TNRC6A: variants seen among roughly 807,000 people sequenced by gnomAD.
TNRC6A encodes trinucleotide repeat-containing gene 6A protein.
Under a neutral mutation model 221.2 loss-of-function variants are expected in TNRC6A, and 44 were observed. The observed-to-expected ratio is 0.20, with a 90% CI of 0.16 to 0.26. The LOEUF (loss-of-function observed/expected upper bound fraction) is 0.26, where lower values mean the gene tolerates loss of function less well. Ranked by LOEUF, TNRC6A falls within the 10% of genes least tolerant of loss-of-function variation. The probability of loss-of-function intolerance (pLI) is 1.00; values close to 1 mark genes in which losing one functional copy is unlikely to be tolerated. For synonymous variants in TNRC6A, 847 were observed against 838.5 expected (o/e 1.01, Z -0.18); for missense variants, 2,199 against 2,404.4 (o/e 0.91, Z 1.79).
rs539673361 is a variant in TNRC6A at position 24,745,134 on chromosome 16, A to G, written c.54-5592A>G. 1.4e-4 allele frequency among the ~76,000 whole-genome samples: 22 copies of G among 152,288 alleles called. No individual in the cohort carries two copies. In the East Asian group the frequency reaches 3.3e-3, roughly 23 times the overall value. On this transcript the variant is annotated intron_variant, in intron 2 of 24. Coordinates refer to ENST00000395799, the MANE Select transcript of TNRC6A (RefSeq NM_014494.4). Reference sequence around the variant, plus strand: ...GACCCCTTTCCACTTCCAGATAACTATTAGTTGTCCTTACTTTAAAAAATA... The same window carrying G: ...GACCCCTTTCCACTTCCAGATAACTGTTAGTTGTCCTTACTTTAAAAAATA...
In TNRC6A at chr16:24,790,375, C is replaced by A. The variant is rs573474554; in HGVS notation, c.1733C>A (p.Ala578Glu). ...GGAGGTGGTGTGTGGGAATCTGGTG[C>A]AGCAAACTCCCAGAGTACATCATGG... ...NKGGGVWESGAANSQSTSWGS... is the reference protein window; with the variant it reads ...NKGGGVWESGEANSQSTSWGS... The change falls in exon 6 of 25, where the codon GCA becomes GAA. Residue 578 changes from alanine (A) to glutamate (E), a missense_variant. Coordinates refer to ENST00000395799, the MANE Select transcript of TNRC6A (RefSeq NM_014494.4). 1.4e-5 allele frequency: 22 copies of A among 1,614,086 alleles called. No homozygotes were observed. Among genetic ancestry groups the A allele is most frequent in the Non-Finnish European group, 1.6e-5 (19 of 1,180,048 alleles).
intron 4 of TNRC6A, among the ~76,000 whole-genome samples, chr16:24,770,340 T>G (rs772297680): frequency 6.6e-6 from 1 of 152,068 alleles, no homozygotes; most frequent in African/African-American, 2.4e-5. Context: ...TACAGATAAC[T>G]TGGGGCAGGT....
At chr16:24,631,782 A>C (rs190565966) in intron 1 of TNRC6A, among the ~76,000 whole-genome samples, 19 of 151,676 alleles carry the variant, frequency 1.3e-4, no homozygotes, top group African/African-American at 4.6e-4. Context: ...AAAAAAAAAA[A>C]ACAACAAAAA....
chr16:24,627,891 G>T (rs1424098811), intron 1 of TNRC6A, among the ~76,000 whole-genome samples: 1 of 150,574 alleles, frequency 6.6e-6, no homozygotes, highest in Non-Finnish European at 1.5e-5. Flanking sequence ...TAGAGATGGG[G>T]TTTCATCGTG....
At position 24,670,927 on chromosome 16, in the gene TNRC6A, A is replaced by G. The variant is rs143059526; in HGVS notation, n.402+29918A>G. 1.6e-3 allele frequency: 581 copies of G among 357,136 alleles called. 4 individuals carry two copies. The highest frequency in any genetic ancestry group is 0.012 in the African/African-American group (554 of 46,634). The allele number at this position is 357,136 out of a possible 1,614,324, so 22.1% of individuals were successfully genotyped here. ...CCCGCCAGCCCCCACACTTCCTTACATGATGCTGACAGGGGGTACCAGCAC... is the reference window on the plus strand; with the variant it reads ...CCCGCCAGCCCCCACACTTCCTTACGTGATGCTGACAGGGGGTACCAGCAC... On this transcript the variant is annotated intron_variant and non_coding_transcript_variant, in intron 2 of 2. Coordinates refer to the TNRC6A transcript ENST00000566108.
intron 2 of TNRC6A, among the ~76,000 whole-genome samples, chr16:24,675,984 A>G (rs72768621): frequency 0.098 from 14,878 of 151,514 alleles, 979 homozygotes; most frequent in Middle Eastern, 0.18. Flanking sequence ...CTTGCCTATT[A>G]GAACTATTCC....
At chr16:24,759,946 ACT>A (rs1259913710) in intron 4 of TNRC6A, among the ~76,000 whole-genome samples, 4 of 151,884 alleles carry the variant, frequency 2.6e-5, no homozygotes, top group East Asian at 1.9e-4. Context: ...TTTTCCTAAA[ACT>A]CTATTTTCCC....
At chr16:24,698,604 A>G (rs1004640250) in intron 2 of TNRC6A, among the ~76,000 whole-genome samples, 1 of 152,234 alleles carries the variant, frequency 6.6e-6, no homozygotes, top group East Asian at 1.9e-4. Context: ...GCATGGATAG[A>G]GTAAGTCACA....
At position 24,791,645 on chromosome 16, in the gene TNRC6A, T is replaced by G. The variant is rs2058103318; in HGVS notation, c.3003T>G (p.Ile1001Met). 1 of 1,611,638 alleles carries G rather than the reference T, an allele frequency of 6.2e-7. No individual in the cohort carries two copies. The highest frequency in any genetic ancestry group is 1.3e-5 in the African/African-American group (1 of 74,700). ...AATCTATACGTCGCAAAATGGAGATTGATGATGGAACTTCAGCTTGGGGAG... is the reference window on the plus strand; with the variant it reads ...AATCTATACGTCGCAAAATGGAGATGGATGATGGAACTTCAGCTTGGGGAG... ...SPESIRRKMEIDDGTSAWGDP... is the reference protein window; with the variant it reads ...SPESIRRKMEMDDGTSAWGDP... The change falls in exon 6 of 25, where the codon ATT (isoleucine) becomes ATG (methionine). Residue 1001 changes from isoleucine (I) to methionine (M), a missense_variant. This residue lies in a region of TNRC6A where 1,405 missense variants were observed against 1,400.2 expected (regional missense o/e 1.00). Coordinates refer to ENST00000395799, the MANE Select transcript of TNRC6A (RefSeq NM_014494.4).
rs1246049379 is a variant in TNRC6A at position 24,791,250 on chromosome 16, A to G, written c.2608A>G (p.Asn870Asp). 3 of 1,614,080 alleles carry G rather than the reference A, an allele frequency of 1.9e-6. No homozygotes were observed. The highest frequency in any genetic ancestry group is 1.3e-5 in the African/African-American group (1 of 74,932). Residue 870 changes from asparagine to aspartate, a missense_variant, in exon 6 of 25, where the codon AAT (asparagine) becomes GAT (aspartate). Around this residue, in one of 8 missense-constraint regions of TNRC6A, gnomAD observed 1,405 missense variants for 1,400.2 expected, o/e 1.00. Transcript: ENST00000395799. ...TSRNNHWGEA[N>D]KKSSSGGSDS... ...AAGGAATAACCATTGGGGTGAGGCCAATAAGAAATCCAGCTCAGGAGGTAG... is the reference window on the plus strand; with the variant it reads ...AAGGAATAACCATTGGGGTGAGGCCGATAAGAAATCCAGCTCAGGAGGTAG...
chr16:24,622,597 G>A (rs79990875), intron 1 of TNRC6A, among the ~76,000 whole-genome samples: 3,536 of 152,218 alleles, frequency 0.023, 64 homozygotes, highest in Non-Finnish European at 0.036. Context: ...GCATCTCAAA[G>A]AAGAAAAAAT....
intron 2 of TNRC6A, among the ~76,000 whole-genome samples, chr16:24,645,530 TCCGAG>T (rs1902231264): frequency 6.6e-6 from 1 of 151,366 alleles, no homozygotes; most frequent in Admixed American, 6.6e-5. Context: ...CCTACTTCTG[TCCGAG>T]TTATAGCAAT....
At chr16:24,741,772 A>T (rs894891674) in intron 2 of TNRC6A, among the ~76,000 whole-genome samples, 6 of 152,030 alleles carry the variant, frequency 3.9e-5, no homozygotes, top group African/African-American at 1.4e-4. Flanking sequence ...TCCTAACCTT[A>T]GCTTAGTGCA....
Position 24,789,654 on chromosome 16 carries a change from A to T in TNRC6A, c.1012A>T (p.Ser338Cys). The change falls in exon 6 of 25, where the codon AGC becomes TGC. Residue 338 changes from serine (S) to cysteine (C), a missense_variant. Ser to Cys is a moderately radical substitution (Grantham distance 112). Coordinates refer to ENST00000395799, the MANE Select transcript of TNRC6A (RefSeq NM_014494.4). Reference sequence around the variant, plus strand: ...TGCTCCTGAAAGCAAATCTGAAAGTAGCAACAATAGAATGAATGCTTGGGG... The same window carrying T: ...TGCTCCTGAAAGCAAATCTGAAAGTTGCAACAATAGAATGAATGCTTGGGG... ...VDAPESKSES[S>C]NNRMNAWGTV... 6.2e-7 allele frequency: 1 copy of T among 1,614,190 alleles called. No individual in the cohort carries two copies.
Position 24,777,123 on chromosome 16 carries a change from GCAGCAGCAGCCA to G in TNRC6A, c.370_381del (p.Gln124_Gln127del), listed in dbSNP as rs761956832. 2.4e-4 allele frequency: 391 copies of G among 1,611,664 alleles called. 5 individuals carry two copies. The East Asian group carries it at 3.8e-3, about 16-fold the overall frequency. On this transcript the variant is annotated inframe_deletion, in exon 5 of 25. Coordinates refer to ENST00000395799, the MANE Select transcript of TNRC6A (RefSeq NM_014494.4). Reference sequence around the variant, plus strand: ...AGCAGCAGCCACAGCCGCAGCCGCAGCAGCAGCAGCCACAGCAGCAGCCACAGGCCTTGCCTC... The same window carrying G: ...AGCAGCAGCCACAGCCGCAGCCGCAGCAGCAGCAGCCACAGGCCTTGCCTC...
intron 1 of TNRC6A, among the ~76,000 whole-genome samples, chr16:24,634,433 T>TA (rs1901519642): frequency 6.6e-6 from 1 of 151,954 alleles, no homozygotes; most frequent in Admixed American, 6.6e-5. Flanking sequence ...CTGTCTCAGA[T>TA]AAATAAATAA....
At chr16:24,753,810 G>C (rs1008594309) in intron 3 of TNRC6A, among the ~76,000 whole-genome samples, 1 of 152,104 alleles carries the variant, frequency 6.6e-6, no homozygotes, top group South Asian at 2.1e-4. Context: ...TTTTGAAAAA[G>C]GCCAGATATT....
At chr16:24,815,402 CT>C in intron 19 of TNRC6A, 97 bp downstream of exon 19, 1 of 1,389,022 alleles carries the variant, frequency 7.2e-7, no homozygotes, top group Non-Finnish European at 1.0e-6. Context: ...GATCGGCGTG[CT>C]TAGACTGACG....
chr16:24,647,658 C>A (rs1406599968), intron 2 of TNRC6A, among the ~76,000 whole-genome samples: 3 of 152,218 alleles, frequency 2.0e-5, no homozygotes, highest in African/African-American at 7.2e-5. Context: ...TTCGCCCAGG[C>A]TGGAGTGCAG....
Sources: gnomAD v4.1 joint callset for allele counts (sites outside exome capture counted in the v4.1 genomes callset) on GRCh38, gnomAD v4.1.1 for gene constraint, gnomAD v4.1.1 regional missense constraint, MANE v1.5 for transcripts, NCBI Gene and HGNC (gene_info 2026-07-23, HGNC 2026-07-21) for gene names.